OSER1: variants seen among roughly 807,000 people sequenced by gnomAD.
OSER1 encodes the protein oxidative stress-responsive serine-rich protein 1.
Under a neutral mutation model 26.3 loss-of-function variants are expected in OSER1, and 15 were observed. That is an observed-to-expected ratio of 0.57 (90% confidence interval 0.38 to 0.88). OSER1 has a LOEUF of 0.88. Among genes scored for constraint, OSER1 ranks in the 40% least tolerant of loss-of-function variants. OSER1 has a pLI of 0.00. For missense variants in OSER1, 313 were observed against 353.9 expected, an observed-to-expected ratio of 0.88 and a Z score of 0.93; for synonymous variants, 127 against 128.2, an observed-to-expected ratio of 0.99 and a Z score of 0.07.
chr20:44,199,234 A>G (rs1372365269), intron 3 of OSER1, among the ~76,000 whole-genome samples: 16 of 152,200 alleles, frequency 1.1e-4, no homozygotes, highest in Non-Finnish European at 1.5e-5. Flanking sequence ...TTGGGTCACA[A>G]AAGGACTCTG....
In OSER1 at chr20:44,197,152, A is replaced by G; in HGVS notation, c.779T>C (p.Phe260Ser). The stretch of plus-strand genomic sequence containing the variant: ...GTCCTCAATGGTCACATCATCCACG[A>G]AGACTCGAGCTTGCTCAGAACAGGA... Reference protein sequence around the residue: ...PRSCSEQARVFVDDVTIEDLS... With the variant: ...PRSCSEQARVSVDDVTIEDLS... Residue 260 changes from phenylalanine to serine, a missense_variant, in exon 4 of 4, where the codon TTC (phenylalanine) becomes TCC (serine). Phe to Ser is a radical substitution (Grantham distance 155). This residue lies in a region of OSER1 where 300 missense variants were observed against 318.3 expected (regional missense o/e 0.94). Coordinates refer to ENST00000255174, the MANE Select transcript of OSER1 (RefSeq NM_016470.8). The G allele has an allele frequency of 6.2e-7, 1 of 1,614,142 alleles. No individual in the cohort carries two copies. The highest frequency in any genetic ancestry group is 8.5e-7 in the Non-Finnish European group (1 of 1,179,928).
intron 1 of OSER1, among the ~76,000 whole-genome samples, chr20:44,208,961 A>G (rs2073067901): frequency 6.6e-6 from 1 of 152,170 alleles, no homozygotes; most frequent in African/African-American, 2.4e-5. Flanking sequence ...TTTCACAAAT[A>G]TTTACAGAAT....
At chr20:44,206,007 C>T (rs187366237) in intron 2 of OSER1, among the ~76,000 whole-genome samples, 92 of 151,038 alleles carry the variant, frequency 6.1e-4, no homozygotes, top group Middle Eastern at 7.0e-3. Context: ...CAAATCCTGG[C>T]TCTGCAACGT....
intron 2 of OSER1, among the ~76,000 whole-genome samples, chr20:44,203,693 T>TAC (rs1569240061): frequency 4.5e-4 from 34 of 75,618 alleles, no homozygotes; most frequent in Non-Finnish European, 6.6e-4. Flanking sequence ...CCAGACTTTT[T>TAC]TCACACACAC....
At chr20:44,210,534 A>G (rs2073093223) in intron 1 of OSER1, among the ~76,000 whole-genome samples, 162 bp downstream of exon 1, 1 of 152,126 alleles carries the variant, frequency 6.6e-6, no homozygotes. Context: ...GCCGCGGCAG[A>G]TAAGGGGGCG....
Position 44,197,742 on chromosome 20 carries a change from A to G in OSER1, c.192-3T>C, listed in dbSNP as rs1288776775. On this transcript the variant is annotated splice_polypyrimidine_tract_variant and splice_region_variant and intron_variant, in intron 3 of 3. Transcript: ENST00000255174. ...CTCGTGAAGACTTCCTTGTAGACCTAAAGAGGAAAAAAAATATACAAGAAG... is the reference window on the plus strand; with the variant it reads ...CTCGTGAAGACTTCCTTGTAGACCTGAAGAGGAAAAAAAATATACAAGAAG... The G allele has an allele frequency of 6.3e-6, 10 of 1,587,488 alleles. No individual in the cohort carries two copies. Among genetic ancestry groups the G allele is most frequent in the South Asian group, 1.1e-5 (1 of 89,920 alleles).
intron 1 of OSER1, among the ~76,000 whole-genome samples, chr20:44,208,422 T>TAAA (rs3037689): frequency 0.01 from 1,333 of 131,386 alleles, 22 homozygotes; most frequent in East Asian, 0.054. Context: ...ATTCAGCTAC[T>TAAA]AAAAAAAAAA....
rs775990830 is a variant in OSER1, at chr20:44,203,056, A to T, written c.96T>A (p.Ser32=). ...CTCTGACACCTGTGCCTTCTCCAAC[A>T]GACAGAGATGCTACAGACCTGAAGA... ...VDASGSVASL[S]VGEGTGVRAP... The change falls in exon 3 of 4, where the codon TCT becomes TCA. Residue 32 remains serine (S), a synonymous_variant. Transcript: ENST00000255174. The T allele has an allele frequency of 1.2e-6, 2 of 1,606,740 alleles. No homozygotes were observed. The highest frequency in any genetic ancestry group is 1.3e-5 in the African/African-American group (1 of 74,776).
rs780832295 is a variant in OSER1, at chr20:44,197,457, T to C, written c.474A>G (p.Pro158=). The C allele has an allele frequency of 6.8e-6, 11 of 1,614,106 alleles. No homozygotes were observed. The highest frequency in any genetic ancestry group is 1.3e-5 in the African/African-American group (1 of 74,944). ...EPLRTSVPRL[P]SESKKEDSSD... ...AGGAGTCTTCCTTCTTACTCTCTGA[T>C]GGGAGCCTTGGAACAGAAGTTCTCA... is the stretch of plus-strand genomic sequence containing the variant. Residue 158 remains proline (P), a synonymous_variant, in exon 4 of 4, where the codon CCA becomes CCG. Transcript: ENST00000255174.
intron 3 of OSER1, among the ~76,000 whole-genome samples, chr20:44,198,747 A>T (rs551563856): frequency 6.6e-6 from 1 of 152,372 alleles, no homozygotes; most frequent in South Asian, 2.1e-4. Flanking sequence ...AGCTAAACAG[A>T]ACACAGTAAT....
intron 1 of OSER1, among the ~76,000 whole-genome samples, chr20:44,208,045 T>C (rs895751550): frequency 7.2e-5 from 11 of 151,776 alleles, no homozygotes; most frequent in Non-Finnish European, 1.5e-4. Flanking sequence ...ACAAAAAAAA[T>C]AGAAATAGAG....
upstream of OSER1, chr20:44,211,379 A>G (rs6031456): frequency 0.18 from 27,357 of 152,208 alleles, 2,781 homozygotes; most frequent in East Asian, 0.29. Context: ...GCCAGGGTCA[A>G]TAGTGTGAAG....
intron 2 of OSER1, among the ~76,000 whole-genome samples, chr20:44,203,760 AC>A (rs1335706376): frequency 5.3e-5 from 8 of 151,828 alleles, no homozygotes; most frequent in Admixed American, 5.3e-4. Flanking sequence ...TATGGTGTTG[AC>A]AAAAATTCTT....
intron 2 of OSER1, among the ~76,000 whole-genome samples, chr20:44,205,939 CAAAAAAA>C (rs3037684): frequency 1.4e-5 from 1 of 71,708 alleles, no homozygotes; most frequent in East Asian, 4.7e-4. Context: ...GAATCCGTCT[CAAAAAAA>C]AAAAAAAAAA....
At chr20:44,202,281 G>A (rs1226205182) in intron 3 of OSER1, among the ~76,000 whole-genome samples, 1 of 152,128 alleles carries the variant, frequency 6.6e-6, no homozygotes, top group Non-Finnish European at 1.5e-5. Flanking sequence ...GGGAGGCCAA[G>A]GCAGAACTGC....
chr20:44,206,870 T>A lies in OSER1; in HGVS notation c.77+11A>T. The A allele has an allele frequency of 9.7e-7, 1 of 1,028,618 alleles. No homozygotes were observed. The highest frequency in any genetic ancestry group is 1.3e-5 in the South Asian group (1 of 77,598). The allele number at this position is 1,028,618 out of a possible 1,614,324, so 63.7% of individuals were successfully genotyped here. A position where few individuals can be genotyped will look rare whatever the true frequency, so the allele number is the denominator to read the frequency against. On this transcript the variant is annotated intron_variant, in intron 2 of 3. Transcript: ENST00000255174. ...AAATAATTCCAAATAATATATTACA[T>A]ATTTAATTACCCTGATGCATCCACT... is the stretch of plus-strand genomic sequence containing the variant.
chr20:44,197,791 A>G (rs1016623548), intron 3 of OSER1, 52 bp from the exon 4 acceptor site: 4 of 1,228,220 alleles, frequency 3.3e-6, no homozygotes, highest in Admixed American at 3.8e-5. Context: ...GAGCTGTCCT[A>G]AACAGATTCT....
intron 1 of OSER1, among the ~76,000 whole-genome samples, chr20:44,208,608 A>G (rs1187081737): frequency 2.6e-5 from 4 of 152,220 alleles, no homozygotes; most frequent in Non-Finnish European, 5.9e-5. Context: ...TCCCCCAAAT[A>G]CACAATCAAT....
chr20:44,208,868 C>T (rs1006833148), intron 1 of OSER1, among the ~76,000 whole-genome samples: 9 of 152,212 alleles, frequency 5.9e-5, no homozygotes, highest in African/African-American at 1.9e-4. Flanking sequence ...TCCTCTTTAG[C>T]CCTCTCTGGA....
Sources: gnomAD v4.1 joint callset for allele counts (sites outside exome capture counted in the v4.1 genomes callset) on GRCh38, gnomAD v4.1.1 for gene constraint, gnomAD v4.1.1 regional missense constraint, MANE v1.5 for transcripts, NCBI Gene and HGNC (gene_info 2026-07-23, HGNC 2026-07-21) for gene names.